FBN2: variants seen among roughly 807,000 people sequenced by gnomAD.
FBN2 encodes fibrillin-2.
Under a neutral mutation model 355.6 loss-of-function variants are expected in FBN2, and 105 were observed. The ratio of observed to expected loss-of-function variants is 0.30; its 90% CI spans 0.25 to 0.35. FBN2 has a LOEUF of 0.35. Ranked by LOEUF, FBN2 falls within the 10% of genes least tolerant of loss-of-function variation. The probability of loss-of-function intolerance (pLI) is 1.00; values close to 1 mark genes in which losing one functional copy is unlikely to be tolerated. For synonymous variants in FBN2, 1,350 were observed against 1,301.2 expected (o/e 1.04, Z -0.81); for missense variants, 3,280 against 3,758.7 (o/e 0.87, Z 3.33).
intron 16 of FBN2, among the ~76,000 whole-genome samples, chr5:128,368,430 A>ATATATATG (rs771238023): frequency 0.03 from 4,169 of 138,416 alleles, 118 homozygotes; most frequent in Non-Finnish European, 0.044. Flanking sequence ...GTATATATAT[A>ATATATATG]TATACACATA....
rs78880923 is a variant in FBN2 at position 128,299,530 on chromosome 5, C to T, written c.6166+1287G>A. Among the ~76,000 whole-genome samples the T allele has an allele frequency of 1.8e-3, 268 of 152,034 alleles. 1 individual carries two copies. The highest frequency in any genetic ancestry group is 6.8e-3 in the Middle Eastern group (2 of 294). On this transcript the variant is annotated intron_variant, in intron 48 of 64. Coordinates refer to ENST00000262464, the MANE Select transcript of FBN2 (RefSeq NM_001999.4). ...TGCGGGATATAATCTCCTGGTGCGCCGTTTTTTAAGCCCGTCGGAAAACCG... is the reference window on the plus strand; with the variant it reads ...TGCGGGATATAATCTCCTGGTGCGCTGTTTTTTAAGCCCGTCGGAAAACCG...
At chr5:128,533,615 T>C (rs187239828) in intron 2 of FBN2, among the ~76,000 whole-genome samples, 7 of 152,326 alleles carry the variant, frequency 4.6e-5, no homozygotes, top group African/African-American at 1.7e-4. Flanking sequence ...GTTGTCACTC[T>C]GCCATTGATC....
intron 20 of FBN2, among the ~76,000 whole-genome samples, chr5:128,354,717 G>A (rs1751457239): frequency 6.6e-6 from 1 of 152,212 alleles, no homozygotes; most frequent in East Asian, 1.9e-4. Flanking sequence ...CAAGGATGCT[G>A]CCAAGGTTTT....
At chr5:128,437,770 ATG>A (rs2127041696) in intron 7 of FBN2, among the ~76,000 whole-genome samples, 1 of 132,968 alleles carries the variant, frequency 7.5e-6, no homozygotes, top group Admixed American at 8.6e-5. Flanking sequence ...AATAGTATGT[ATG>A]TATAGATAGA....
intron 2 of FBN2, among the ~76,000 whole-genome samples, chr5:128,535,440 T>A (rs945065225): frequency 3.3e-5 from 5 of 152,192 alleles, no homozygotes; most frequent in Admixed American, 1.3e-4. Flanking sequence ...CTGGAGAACA[T>A]GGAGGTCAAT....
In FBN2 at chr5:128,277,849, A is replaced by G. The variant is rs73784562; in HGVS notation, c.7471+31T>C. On this transcript the variant is annotated intron_variant, in intron 58 of 64. Transcript: ENST00000262464. ...GGAAACAGTAGCTGATTAGCCCCCAAACCCCTGGATATAGAGGTGCCCATC... is the reference window on the plus strand; with the variant it reads ...GGAAACAGTAGCTGATTAGCCCCCAGACCCCTGGATATAGAGGTGCCCATC... 1,609 of 1,613,734 alleles carry G rather than the reference A, an allele frequency of 1.0e-3. 13 individuals are homozygous for G. The African/African-American group carries it at 0.018, about 18-fold the overall frequency.
chr5:128,269,460 A>T (rs918335965), intron 62 of FBN2, among the ~76,000 whole-genome samples: 1 of 150,052 alleles, frequency 6.7e-6, no homozygotes, highest in Non-Finnish European at 1.5e-5. Flanking sequence ...CTCCACCCCA[A>T]AAAAAAAACA....
At chr5:128,384,077 T>C (rs1027198458) in intron 11 of FBN2, among the ~76,000 whole-genome samples, 4 of 152,108 alleles carry the variant, frequency 2.6e-5, no homozygotes, top group Non-Finnish European at 5.9e-5. Context: ...CTGTGCTATA[T>C]CCATACAATA....
At position 128,334,719 on chromosome 5, in the gene FBN2, C is replaced by T. The variant is rs1554122730; in HGVS notation, c.4099G>A (p.Asp1367Asn). 6.2e-7 allele frequency: 1 copy of T among 1,614,058 alleles called. No individual in the cohort carries two copies. The highest frequency in any genetic ancestry group is 8.5e-7 in the Non-Finnish European group (1 of 1,180,006). The change falls in exon 31 of 65, where the codon GAT (aspartate) becomes AAT (asparagine). Residue 1367 changes from aspartate (D) to asparagine (N), a missense_variant and splice_region_variant. Asp to Asn is a conservative substitution (Grantham distance 23). Around this residue, in one of 6 missense-constraint regions of FBN2, gnomAD observed 2,284 missense variants for 2,749.5 expected, o/e 0.83. Coordinates refer to ENST00000262464, the MANE Select transcript of FBN2 (RefSeq NM_001999.4). ...CAGAGAACACAAGCTTGAAACCTAC[C>T]TGTACATCCTGTGGTCCCCTTCTTC... ...SVKKGTTGCT[D>N]VDECEIGAHN...
chr5:128,529,340 G>C (rs1160993200), intron 3 of FBN2, among the ~76,000 whole-genome samples: 1 of 152,116 alleles, frequency 6.6e-6, no homozygotes, highest in Non-Finnish European at 1.5e-5. Context: ...ATCAAGAAAA[G>C]GAGCACTGAA....
intron 14 of FBN2, among the ~76,000 whole-genome samples, chr5:128,376,160 C>T (rs888611877): frequency 7.2e-5 from 11 of 152,032 alleles, no homozygotes; most frequent in Admixed American, 7.2e-4. Flanking sequence ...CATTTATTTC[C>T]AAGAGGTATA....
chr5:128,306,739 T>C (rs979763071), intron 42 of FBN2, among the ~76,000 whole-genome samples: 16 of 152,176 alleles, frequency 1.1e-4, no homozygotes, highest in African/African-American at 3.4e-4. Context: ...CATTCATATT[T>C]AGACCAGTAA....
At chr5:128,328,399 A>G in intron 34 of FBN2, 1 of 597,252 alleles carries the variant, frequency 1.7e-6, no homozygotes, top group East Asian at 2.8e-5. Flanking sequence ...TAGTTTCTCC[A>G]CATGTCATTC....
In FBN2 at chr5:128,288,462, G is replaced by A; in HGVS notation, c.6733C>T (p.Pro2245Ser). Residue 2245 changes from proline to serine, a missense_variant, in exon 53 of 65, where the codon CCA becomes TCA. By Grantham distance (74) the Pro-to-Ser change is moderately conservative. Around this residue, in one of 6 missense-constraint regions of FBN2, gnomAD observed 2,284 missense variants for 2,749.5 expected, o/e 0.83. Transcript: ENST00000262464. Reference sequence around the variant, plus strand: ...CCTTCACAATTCATCATGGGCCCTGGCTCAAAGCCTTCATTGCAATTGCAT... The same window carrying A: ...CCTTCACAATTCATCATGGGCCCTGACTCAAAGCCTTCATTGCAATTGCAT... ...FECNCNEGFE[P>S]GPMMNCEDIN... 1 of 1,613,918 alleles carries A rather than the reference G, an allele frequency of 6.2e-7. No homozygotes were observed. Among genetic ancestry groups the A allele is most frequent in the Non-Finnish European group, 8.5e-7 (1 of 1,179,880 alleles).
intron 4 of FBN2, among the ~76,000 whole-genome samples, chr5:128,522,643 G>A (rs1006874527): frequency 5.3e-5 from 8 of 152,154 alleles, no homozygotes; most frequent in Admixed American, 4.6e-4. Context: ...AGCAAAAGAA[G>A]AGAAGCAGGA....
rs182905894 is a variant in FBN2 at position 128,269,221 on chromosome 5, C to A, written c.7960+2778G>T. 9.7e-3 allele frequency among the ~76,000 whole-genome samples: 1,455 copies of A among 150,712 alleles called. 17 individuals carry two copies. Among genetic ancestry groups the A allele is most frequent in the African/African-American group, 0.034 (1,380 of 41,120 alleles). Reference sequence around the variant, plus strand: ...CTTGAGGCCAGGAGTTCGAAACCAGCCTGGCCAACATGGTGAAACCCCGTC... The same window carrying A: ...CTTGAGGCCAGGAGTTCGAAACCAGACTGGCCAACATGGTGAAACCCCGTC... On this transcript the variant is annotated intron_variant, in intron 62 of 64. Transcript: ENST00000262464.
chr5:128,402,891 G>C (rs1752832706), intron 8 of FBN2, among the ~76,000 whole-genome samples: 1 of 152,176 alleles, frequency 6.6e-6, no homozygotes, highest in South Asian at 2.1e-4. Flanking sequence ...TATAGAACTA[G>C]GAGCAATGAA....
intron 5 of FBN2, among the ~76,000 whole-genome samples, chr5:128,516,442 C>A (rs1756282421): frequency 6.6e-6 from 1 of 150,984 alleles, no homozygotes; most frequent in African/African-American, 2.4e-5. Flanking sequence ...AAAGAGAACT[C>A]CAAAGAAGTT....
chr5:128,512,611 C>CCACGG, intron 5 of FBN2, among the ~76,000 whole-genome samples: 1 of 151,646 alleles, frequency 6.6e-6, no homozygotes, highest in South Asian at 2.1e-4. Flanking sequence ...TAGACACAGG[C>CCACGG]CACGGCACTT....
Sources: gnomAD v4.1 joint callset for allele counts (sites outside exome capture counted in the v4.1 genomes callset) on GRCh38, gnomAD v4.1.1 for gene constraint, gnomAD v4.1.1 regional missense constraint, MANE v1.5 for transcripts, NCBI Gene and HGNC (gene_info 2026-07-23, HGNC 2026-07-21) for gene names.